Variants in MCTP2 observed in about 807,000 individuals in gnomAD.
The protein encoded by MCTP2 is multiple C2 and transmembrane domain-containing protein 2.
A neutral mutation model predicts 111.6 loss-of-function variants in MCTP2; 132 were observed. The ratio of observed to expected loss-of-function variants is 1.18; its 90% CI spans 1.03 to 1.37. The LOEUF is 1.37. Among genes scored for constraint, MCTP2 ranks in the 40% most tolerant of loss-of-function variants. The pLI, the probability that MCTP2 is intolerant of heterozygous loss-of-function variation, is 0.00. For missense variants in MCTP2, 1,183 were observed against 1,067.9 expected, an observed-to-expected ratio of 1.11 and a Z score of -1.50; for synonymous variants, 395 against 387.7, an observed-to-expected ratio of 1.02 and a Z score of -0.22.
intron 19 of MCTP2, among the ~76,000 whole-genome samples, chr15:94,453,058 C>G (rs2084566622): frequency 1.3e-5 from 2 of 152,230 alleles, no homozygotes; most frequent in African/African-American, 4.8e-5. Context: ...AGGTTCACCA[C>G]AGGTCCCAGT....
intron 17 of MCTP2, among the ~76,000 whole-genome samples, chr15:94,430,393 T>TCACACACACACACACACACACA (rs35129445): frequency 1.9e-5 from 2 of 107,198 alleles, no homozygotes; most frequent in African/African-American, 7.4e-5. Flanking sequence ...CCAAAAACAA[T>TCACACACACACACACACACACA]CACACACACA....
chr15:94,353,569 G>C (rs894324617), intron 8 of MCTP2, among the ~76,000 whole-genome samples: 2 of 152,174 alleles, frequency 1.3e-5, no homozygotes, highest in Non-Finnish European at 2.9e-5. Flanking sequence ...GCAATTGCCA[G>C]ACTGTAGGAT....
In MCTP2 at chr15:94,387,022, C is replaced by T. The variant is rs2080531121; in HGVS notation, c.1788+1497C>T. ...GGCTGGCATTTAAAGTAGGCTTTCC[C>T]AAAACATTCTACCTCGTATTTTGAA... On this transcript the variant is annotated intron_variant, in intron 14 of 22. Transcript: ENST00000357742. 2.6e-5 allele frequency among the ~76,000 whole-genome samples: 4 copies of T among 152,072 alleles called. No individual in the cohort carries two copies. The South Asian group carries it at 8.3e-4, about 32-fold the overall frequency.
At chr15:94,344,642 T>A (rs1291659766) in intron 7 of MCTP2, among the ~76,000 whole-genome samples, 3 of 152,226 alleles carry the variant, frequency 2.0e-5, no homozygotes, top group Non-Finnish European at 4.4e-5. Context: ...CAATAATTAT[T>A]CATATTTTGT....
intron 1 of MCTP2, among the ~76,000 whole-genome samples, chr15:94,266,082 A>G (rs1260256162): frequency 3.3e-5 from 5 of 150,854 alleles, no homozygotes; most frequent in Non-Finnish European, 5.9e-5. Context: ...GTGTGCGCGC[A>G]CACACACACA....
chr15:94,468,500 A>G (rs2073611644), intron 20 of MCTP2, among the ~76,000 whole-genome samples: 1 of 152,238 alleles, frequency 6.6e-6, no homozygotes, highest in Non-Finnish European at 1.5e-5. Context: ...AAGGTTAGAA[A>G]TCATAGAGAA....
intron 17 of MCTP2, chr15:94,402,485 G>T: frequency 6.4e-7 from 1 of 1,551,594 alleles, no homozygotes; most frequent in Non-Finnish European, 8.7e-7. Context: ...ATTTCATTCA[G>T]CACCGCAAAG....
At chr15:94,380,374 C>A (rs1283943534) in intron 12 of MCTP2, among the ~76,000 whole-genome samples, 1 of 152,102 alleles carries the variant, frequency 6.6e-6, no homozygotes, top group African/African-American at 2.4e-5. Flanking sequence ...ATAGCAGAGA[C>A]CATTATGAGA....
rs371821636 is a variant in MCTP2 at position 94,340,328 on chromosome 15, C to T, written c.857+53C>T. Reference sequence around the variant, plus strand: ...ATTGATGAGTTTTAGAGGGAACTTACGATAATGTTAAATGGTGCTTGTTGA... The same window carrying T: ...ATTGATGAGTTTTAGAGGGAACTTATGATAATGTTAAATGGTGCTTGTTGA... On this transcript the variant is annotated intron_variant, in intron 6 of 22. Transcript: ENST00000357742. The T allele has an allele frequency of 3.9e-5, 50 of 1,285,020 alleles. No individual in the cohort carries two copies. The East Asian group carries it at 5.3e-4, about 14-fold the overall frequency. 79.6% of individuals were successfully genotyped at this position (1,285,020 alleles called of 1,614,324 possible). A position where few individuals can be genotyped will look rare whatever the true frequency, so the allele number is the denominator to read the frequency against.
At chr15:94,303,062 A>ATATATATATATAGTT (rs1373297752) in intron 2 of MCTP2, among the ~76,000 whole-genome samples, 7,616 of 21,388 alleles carry the variant, frequency 0.36, 901 homozygotes, top group African/African-American at 0.5. Flanking sequence ...AACTAATGGA[A>ATATATATATATAGTT]TATATATATA....
At chr15:94,371,907 C>T (rs1342203591) in intron 12 of MCTP2, among the ~76,000 whole-genome samples, 1 of 152,166 alleles carries the variant, frequency 6.6e-6, no homozygotes, top group South Asian at 2.1e-4. Context: ...ATCAAGTAAC[C>T]TCCATAAAGC....
intron 11 of MCTP2, 22 bp from the exon 12 acceptor site, chr15:94,370,065 G>A (rs780170892): frequency 3.2e-6 from 5 of 1,576,388 alleles, no homozygotes; most frequent in Admixed American, 1.8e-5. Context: ...GTTTTCACTT[G>A]TATCACCTTT....
chr15:94,299,720 A>G (rs545317701), intron 2 of MCTP2, among the ~76,000 whole-genome samples: 13 of 152,344 alleles, frequency 8.5e-5, no homozygotes, highest in African/African-American at 3.1e-4. Context: ...TCTGTGTTCC[A>G]GGTTAGTGTT....
intron 4 of MCTP2, among the ~76,000 whole-genome samples, chr15:94,325,492 G>T (rs1027111341): frequency 2.0e-5 from 3 of 151,980 alleles, no homozygotes; most frequent in South Asian, 4.1e-4. Flanking sequence ...TGTACTTTTT[G>T]TGTATCTTTT....
chr15:94,270,466 CACAGTAAAAGCTGATGTCCACAG>C (rs1452886696), intron 1 of MCTP2, among the ~76,000 whole-genome samples: 37 of 152,284 alleles, frequency 2.4e-4, no homozygotes, highest in African/African-American at 7.9e-4. Context: ...CCAGCCCACT[CACAGTAAAAGCTGATGTCCACAG>C]ACTGGCCTAC....
chr15:94,443,045 CTCTTTTT>C, intron 19 of MCTP2, 85 bp downstream of exon 19: 1 of 849,500 alleles, frequency 1.2e-6, no homozygotes, highest in African/African-American at 2.2e-5. Context: ...TCTCTCTCCT[CTCTTTTT>C]TTTTTTTTTT....
At chr15:94,380,225 CTG>C (rs1320442796) in intron 12 of MCTP2, among the ~76,000 whole-genome samples, 1 of 151,980 alleles carries the variant, frequency 6.6e-6, no homozygotes. Flanking sequence ...TGCATGCTGA[CTG>C]TGGAGTGGAA....
intron 2 of MCTP2, among the ~76,000 whole-genome samples, chr15:94,313,178 G>T (rs1440748398): frequency 6.6e-6 from 1 of 152,144 alleles, no homozygotes; most frequent in Non-Finnish European, 1.5e-5. Context: ...TCCTCAAATT[G>T]CTGGGAGGCC....
chr15:94,439,849 G>C (rs2083677638), intron 17 of MCTP2, among the ~76,000 whole-genome samples: 1 of 152,060 alleles, frequency 6.6e-6, no homozygotes, highest in Non-Finnish European at 1.5e-5. Flanking sequence ...CTCACTTTTG[G>C]CAAAATTTGG....
Sources: gnomAD v4.1 joint callset for allele counts (sites outside exome capture counted in the v4.1 genomes callset) on GRCh38, gnomAD v4.1.1 for gene constraint, MANE v1.5 for transcripts, NCBI Gene and HGNC (gene_info 2026-07-23, HGNC 2026-07-21) for gene names.